Variants in CLPTM1L observed in about 807,000 individuals in gnomAD.
The protein encoded by CLPTM1L is lipid scramblase CLPTM1L.
CLPTM1L carries 38 observed loss-of-function variants against 70.9 expected under a neutral mutation model. The ratio of observed to expected loss-of-function variants is 0.54; its 90% confidence interval spans 0.41 to 0.70. CLPTM1L has a LOEUF of 0.70. CLPTM1L is among the 30% of genes least tolerant of loss of function. The pLI is 0.00. For synonymous variants in CLPTM1L, 339 were observed against 299.9 expected, an observed-to-expected ratio of 1.13 and a Z score of -1.35; for missense variants, 652 against 705.9, an observed-to-expected ratio of 0.92 and a Z score of 0.87.
rs188628432 is a variant in CLPTM1L, at chr5:1,336,173, G to A, written c.679-999C>T. Among the ~76,000 whole-genome samples the A allele has an allele frequency of 3.1e-4, 47 of 152,352 alleles. No individual in the cohort carries two copies. The East Asian group carries it at 5.8e-3, about 19-fold the overall frequency. ...ACCCCTCGAGCTGCCAAGCGTGTCC[G>A]AAGGGTGTCACTGCCTCCTCCATCT... On this transcript the variant is annotated intron_variant, in intron 5 of 16. Transcript: ENST00000320895.
intron 5 of CLPTM1L, among the ~76,000 whole-genome samples, chr5:1,336,320 C>T (rs192581096): frequency 3.9e-5 from 6 of 152,302 alleles, no homozygotes; most frequent in African/African-American, 7.2e-5. Flanking sequence ...ACAGCAACAG[C>T]GACACATGAG....
intron 3 of CLPTM1L, among the ~76,000 whole-genome samples, chr5:1,340,410 A>G (rs1013563905): frequency 2.0e-5 from 3 of 152,206 alleles, no homozygotes; most frequent in African/African-American, 7.2e-5. Flanking sequence ...CTCAGATCTG[A>G]TACATCCTAG....
rs1479896405 is a variant in CLPTM1L, at chr5:1,335,080, G to A, written c.773C>T (p.Ala258Val). 1.2e-6 allele frequency: 2 copies of A among 1,613,220 alleles called. No individual in the cohort carries two copies. Among genetic ancestry groups the A allele is most frequent in the Non-Finnish European group, 1.7e-6 (2 of 1,179,918 alleles). Residue 258 changes from alanine (A) to valine (V), a missense_variant, in exon 6 of 17, where the codon GCC becomes GTC. Ala to Val is a moderately conservative substitution (Grantham distance 64). Coordinates refer to ENST00000320895, the MANE Select transcript of CLPTM1L (RefSeq NM_030782.5). ...RLRFWIHMQD[A>V]VYSLQQFGFS... The stretch of plus-strand genomic sequence containing the variant: ...ACCGAACTGCTGCAGGGAGTACACG[G>A]CGTCCTGCATGTGGATCCAGAAGCG...
intron 13 of CLPTM1L, among the ~76,000 whole-genome samples, chr5:1,322,406 G>A (rs922880392): frequency 6.6e-6 from 1 of 152,228 alleles, no homozygotes; most frequent in Admixed American, 6.5e-5. Flanking sequence ...TCCCCACACT[G>A]CATCTGCAGG....
At chr5:1,340,356 T>A (rs1753862110) in intron 3 of CLPTM1L, among the ~76,000 whole-genome samples, 2 of 152,160 alleles carry the variant, frequency 1.3e-5, no homozygotes, top group Admixed American at 1.3e-4. Context: ...GGCTCTTACA[T>A]GAAGTTAAAC....
chr5:1,323,724 C>T, intron 12 of CLPTM1L, 63 bp downstream of exon 12: 6 of 1,436,124 alleles, frequency 4.2e-6, no homozygotes, highest in Non-Finnish European at 5.9e-6. Context: ...CGCTCTGGCT[C>T]AGTCATCCAA....
At chr5:1,328,555 AC>A (rs1220175747) in intron 9 of CLPTM1L, among the ~76,000 whole-genome samples, 1 of 148,608 alleles carries the variant, frequency 6.7e-6, no homozygotes, top group Non-Finnish European at 1.5e-5. Flanking sequence ...CTCCTCCTCT[AC>A]GGACACATTT....
chr5:1,324,210 A>G (rs945656990), intron 11 of CLPTM1L, among the ~76,000 whole-genome samples: 3 of 152,288 alleles, frequency 2.0e-5, no homozygotes, highest in African/African-American at 7.2e-5. Flanking sequence ...ATGTAGTTAC[A>G]TCGCCAGCTG....
Position 1,335,044 on chromosome 5 carries a change from G to C in CLPTM1L, c.796+13C>G, listed in dbSNP as rs892332585. 6.2e-7 allele frequency: 1 copy of C among 1,608,152 alleles called. No homozygotes were observed. Among genetic ancestry groups the C allele is most frequent in the Non-Finnish European group, 8.5e-7 (1 of 1,175,710 alleles). ...GCGGCCTCACCCAGGCGCCGGCCGT[G>C]TGCGGCACATACCGAACTGCTGCAG... is the stretch of plus-strand genomic sequence containing the variant. On this transcript the variant is annotated intron_variant, in intron 6 of 16. Transcript: ENST00000320895.
rs193920801 is a variant in CLPTM1L at position 1,335,104 on chromosome 5, C to T, written c.749G>A (p.Arg250His). 5 of 1,613,528 alleles carry T rather than the reference C, an allele frequency of 3.1e-6. No individual in the cohort carries two copies. The highest frequency in any genetic ancestry group is 4.2e-6 in the Non-Finnish European group (5 of 1,180,030). The change falls in exon 6 of 17, where the codon CGC becomes CAC. Residue 250 changes from arginine (R) to histidine (H), a missense_variant. Coordinates refer to ENST00000320895, the MANE Select transcript of CLPTM1L (RefSeq NM_030782.5). ...SYDKVSLGRL[R>H]FWIHMQDAVY... is the part of the protein sequence containing the mutation. ...GGCGTCCTGCATGTGGATCCAGAAG[C>T]GCAGCCGCCCCAGTGAGACCTTGTC...
rs1365852504 is a variant in CLPTM1L at position 1,342,117 on chromosome 5, T to G, written c.264-257A>C. On this transcript the variant is annotated intron_variant, in intron 2 of 16. Transcript: ENST00000320895. The surrounding 1 kb of genome is among the most constrained non-coding windows in gnomAD (Gnocchi z 4.3). The stretch of plus-strand genomic sequence containing the variant: ...AGCCGAAAGCAAAACGGCCCGCACT[T>G]CCTGCCTCCATCTCAGGAGGCTGAG... 6.6e-6 allele frequency among the ~76,000 whole-genome samples: 1 copy of G among 151,302 alleles called. No homozygotes were observed. The highest frequency in any genetic ancestry group is 2.4e-5 in the African/African-American group (1 of 41,096).
intron 9 of CLPTM1L, among the ~76,000 whole-genome samples, chr5:1,328,979 GCTCCTCCTCTACAGA>G (rs1752880731): frequency 6.6e-6 from 1 of 151,500 alleles, no homozygotes; most frequent in Non-Finnish European, 1.5e-5. Flanking sequence ...ATTTCATACA[GCTCCTCCTCTACAGA>G]GACATTGCAT....
intron 9 of CLPTM1L, among the ~76,000 whole-genome samples, chr5:1,329,022 G>GAC (rs1288432484): frequency 6.6e-6 from 1 of 152,160 alleles, no homozygotes; most frequent in Non-Finnish European, 1.5e-5. Flanking sequence ...CTCCTCTACA[G>GAC]GCATGACGGC....
rs1426503187 is a variant in CLPTM1L at position 1,342,406 on chromosome 5, G to A, written c.264-546C>T. Among the ~76,000 whole-genome samples, 2 of 152,198 alleles carry A rather than the reference G, an allele frequency of 1.3e-5. No homozygotes were observed. Among genetic ancestry groups the A allele is most frequent in the African/African-American group, 4.8e-5 (2 of 41,430 alleles). ...CCACAAAGGACTGACTTTCAAGGCT[G>A]TCAGTCCTGACTGTGTGGCATCCAG... On this transcript the variant is annotated intron_variant, in intron 2 of 16. Transcript: ENST00000320895. This position sits in a 1 kb window ranked among gnomAD's most constrained non-coding sequence, Gnocchi z 4.3.
At chr5:1,337,364 C>T (rs760027240) in intron 5 of CLPTM1L, among the ~76,000 whole-genome samples, 7 of 152,320 alleles carry the variant, frequency 4.6e-5, no homozygotes, top group African/African-American at 9.6e-5. Context: ...TGTCACTGCC[C>T]GTAATCACAG....
intron 7 of CLPTM1L, among the ~76,000 whole-genome samples, chr5:1,333,418 CGGG>C (rs1753287639): frequency 1.4e-5 from 1 of 73,868 alleles, no homozygotes; most frequent in East Asian, 5.2e-4. Context: ...TATACACACA[CGGG>C]ATGAGGATAA....
intron 15 of CLPTM1L, 55 bp from the exon 16 acceptor site, chr5:1,320,786 C>T: frequency 9.2e-7 from 1 of 1,089,336 alleles, no homozygotes; most frequent in South Asian, 1.5e-5. Flanking sequence ...TGGAATCCTA[C>T]TGTTTTTGGT....
rs1023814918 is a variant in CLPTM1L at position 1,344,862 on chromosome 5, C to T, written c.-21G>A. On this transcript the variant is annotated 5_prime_UTR_variant, in exon 1 of 17. Transcript: ENST00000320895. ...CACATGGCGGCCCCGCGCCCGGCGC[C>T]CCCGGCCCGCCCGCCTCTCAGCCGC... 7.2e-6 allele frequency: 10 copies of T among 1,391,444 alleles called. No individual in the cohort carries two copies. The highest frequency in any genetic ancestry group is 3.0e-5 in the African/African-American group (2 of 66,088). 86.2% of individuals were successfully genotyped at this position (1,391,444 alleles called of 1,614,324 possible). A position where few individuals can be genotyped will look rare whatever the true frequency, so the allele number is the denominator to read the frequency against.
chr5:1,334,610 T>G (rs1181435870), intron 6 of CLPTM1L, among the ~76,000 whole-genome samples: 1 of 151,658 alleles, frequency 6.6e-6, no homozygotes, highest in Non-Finnish European at 1.5e-5. Flanking sequence ...AAAAATTAGC[T>G]GGGCGTGGGG....
Sources: allele counts gnomAD v4.1 joint callset (sites outside exome capture counted in the v4.1 genomes callset), GRCh38; gene constraint gnomAD v4.1.1; non-coding constraint Gnocchi (gnomAD v3.1); transcripts MANE v1.5; gene names NCBI Gene and HGNC (gene_info 2026-07-23, HGNC 2026-07-21).